The following DCC variants were observed in gnomAD, a reference collection of about 807,000 sequenced individuals.
The protein encoded by DCC is netrin receptor DCC.
In DCC, 58 loss-of-function variants were observed where a neutral mutation model predicts 172.5. The observed-to-expected ratio is 0.34, with a 90% CI of 0.27 to 0.42. The LOEUF (loss-of-function observed/expected upper bound fraction) is 0.42. Among genes scored for constraint, DCC ranks in the 10% least tolerant of loss-of-function variants. The pLI is 1.00. For missense variants in DCC, 1,740 were observed against 1,791.0 expected, an observed-to-expected ratio of 0.97 and a Z score of 0.51; for synonymous variants, 709 against 644.5, an observed-to-expected ratio of 1.10 and a Z score of -1.52.
At chr18:53,187,363 C>G (rs1411429524) in intron 9 of DCC, among the ~76,000 whole-genome samples, 1 of 152,022 alleles carries the variant, frequency 6.6e-6, no homozygotes, top group Admixed American at 6.6e-5. Context: ...ACCTCATTAT[C>G]TGTCTGCCTC....
At chr18:53,441,018 C>G (rs777217617) in intron 22 of DCC, among the ~76,000 whole-genome samples, 16 of 152,216 alleles carry the variant, frequency 1.1e-4, no homozygotes, top group African/African-American at 3.6e-4. Flanking sequence ...AGCAGCATCT[C>G]TGGCCTTTAC....
intron 7 of DCC, among the ~76,000 whole-genome samples, chr18:53,131,448 A>T (rs1328799786): frequency 6.6e-6 from 1 of 152,168 alleles, no homozygotes; most frequent in Admixed American, 6.6e-5. Flanking sequence ...TAAATTAAGC[A>T]TATTGGAAAC....
chr18:52,652,822 A>G (rs1282154632), intron 1 of DCC, among the ~76,000 whole-genome samples: 1 of 151,386 alleles, frequency 6.6e-6, no homozygotes, highest in African/African-American at 2.4e-5. Flanking sequence ...TCTTGCCTTC[A>G]TCAGGGGACT....
At chr18:53,136,978 G>A (rs933168241) in intron 7 of DCC, among the ~76,000 whole-genome samples, 2 of 152,116 alleles carry the variant, frequency 1.3e-5, no homozygotes, top group Admixed American at 6.6e-5. Flanking sequence ...AGGGCCATTC[G>A]GAAGACATTT....
chr18:53,361,988 C>T (rs1028687280), intron 15 of DCC, among the ~76,000 whole-genome samples: 8 of 152,088 alleles, frequency 5.3e-5, no homozygotes, highest in African/African-American at 1.9e-4. Flanking sequence ...TTATGGAAAG[C>T]TTGAAGAAAT....
chr18:53,007,246 T>G (rs2041660072), intron 5 of DCC, among the ~76,000 whole-genome samples: 1 of 152,206 alleles, frequency 6.6e-6, no homozygotes, highest in African/African-American at 2.4e-5. Context: ...GCTGTGTGGT[T>G]GGTTACTTGT....
intron 1 of DCC, among the ~76,000 whole-genome samples, chr18:52,549,676 C>G (rs962302195): frequency 2.0e-5 from 3 of 152,034 alleles, no homozygotes; most frequent in African/African-American, 7.2e-5. Context: ...TTTGTAGTAG[C>G]ATCTCCTATT....
chr18:53,158,169 C>T (rs1479550906), intron 8 of DCC, among the ~76,000 whole-genome samples: 1 of 151,962 alleles, frequency 6.6e-6, no homozygotes, highest in African/African-American at 2.4e-5. Flanking sequence ...AAAAATAATA[C>T]TTACCTTGCA....
chr18:53,365,337 G>A (rs1411701822), intron 15 of DCC, among the ~76,000 whole-genome samples: 2 of 151,134 alleles, frequency 1.3e-5, no homozygotes, highest in Non-Finnish European at 2.9e-5. Context: ...CGGACATTTG[G>A]GTTGGTTCCA....
chr18:52,759,850 A>G (rs947578971), intron 2 of DCC, among the ~76,000 whole-genome samples: 3 of 152,232 alleles, frequency 2.0e-5, no homozygotes, highest in Non-Finnish European at 4.4e-5. Context: ...GTTATACACA[A>G]GTAACTTTCA....
At chr18:52,524,743 C>A (rs1214930899) in intron 1 of DCC, among the ~76,000 whole-genome samples, 1 of 152,092 alleles carries the variant, frequency 6.6e-6, no homozygotes, top group Admixed American at 6.5e-5. Context: ...TTATTAACAA[C>A]TTTGCAGGTG....
At position 53,365,255 on chromosome 18, in the gene DCC, TC is replaced by T. The variant is rs200025787; in HGVS notation, c.2360-20787del. ...CCATGTCCCTACGAAGGACATGAAC[TC>T]ATCTTTTTAAGGCTGCATAGTATTC... is the stretch of plus-strand genomic sequence containing the variant. On this transcript the variant is annotated intron_variant, in intron 15 of 28. Coordinates refer to ENST00000442544, the MANE Select transcript of DCC (RefSeq NM_005215.4). 3.8e-5 allele frequency among the ~76,000 whole-genome samples: 5 copies of T among 130,018 alleles called. No homozygotes were observed. In the East Asian group the frequency reaches 7.1e-4, roughly 18 times the overall value. 85.3% of individuals were successfully genotyped at this position (130,018 alleles called of 152,430 possible).
chr18:52,760,049 A>G (rs1568085906), intron 2 of DCC, among the ~76,000 whole-genome samples: 1 of 152,198 alleles, frequency 6.6e-6, no homozygotes, highest in East Asian at 1.9e-4. Context: ...TCCTTCCTGT[A>G]TTAGTCTGTT....
At chr18:52,464,735 A>G (rs947876609) in intron 1 of DCC, among the ~76,000 whole-genome samples, 1 of 151,856 alleles carries the variant, frequency 6.6e-6, no homozygotes, top group African/African-American at 2.4e-5. Context: ...GGCAGTTGGT[A>G]CTACCTGTTT....
rs886478955 is a variant in DCC, at chr18:52,979,857, G to A, written c.985+54487G>A. On this transcript the variant is annotated intron_variant, in intron 5 of 28. Transcript: ENST00000442544. ...CTTTGGAGGGAAGATGTCTTCAAAT[G>A]AAATCCCAAGTGTACACTTTCTCCA... 3.3e-5 allele frequency among the ~76,000 whole-genome samples: 5 copies of A among 152,272 alleles called. 1 individual carries two copies. The South Asian group carries it at 1.0e-3, about 32-fold the overall frequency.
chr18:52,902,349 A>G (rs563618436), intron 2 of DCC, among the ~76,000 whole-genome samples: 6 of 152,302 alleles, frequency 3.9e-5, no homozygotes, highest in African/African-American at 1.2e-4. Flanking sequence ...TTTGGAATGC[A>G]TTCGAGTGAG....
chr18:53,079,624 A>T (rs979811668), intron 7 of DCC, among the ~76,000 whole-genome samples: 3 of 152,166 alleles, frequency 2.0e-5, no homozygotes, highest in African/African-American at 7.2e-5. Flanking sequence ...GAATCCCAGG[A>T]ATATTTAAGT....
At chr18:53,204,647 T>TA (rs2055597028) in intron 9 of DCC, among the ~76,000 whole-genome samples, 2 of 151,926 alleles carry the variant, frequency 1.3e-5, no homozygotes, top group South Asian at 4.1e-4. Flanking sequence ...GTAACAATAA[T>TA]AAGAGAAAAT....
chr18:53,223,859 A>ATACC (rs1206838154), intron 12 of DCC, among the ~76,000 whole-genome samples: 1 of 152,220 alleles, frequency 6.6e-6, no homozygotes, highest in East Asian at 1.9e-4. Flanking sequence ...CATTCAATGA[A>ATACC]TACCTAATTA....
Sources: gnomAD v4.1 joint callset for allele counts (sites outside exome capture counted in the v4.1 genomes callset) on GRCh38, gnomAD v4.1.1 for gene constraint, MANE v1.5 for transcripts, NCBI Gene and HGNC (gene_info 2026-07-23, HGNC 2026-07-21) for gene names.